Variants in MLANA observed in about 807,000 individuals in gnomAD.
The protein encoded by MLANA is melanoma antigen recognized by T-cells 1.
MLANA carries 21 observed loss-of-function variants against 15.7 expected under a neutral mutation model. The observed-to-expected ratio is 1.33, with a 90% CI of 0.95 to 1.92. MLANA has a LOEUF of 1.92. Among genes scored for constraint, MLANA ranks in the 40% most tolerant of loss-of-function variants. The pLI is 0.00. For synonymous variants in MLANA, 56 were observed against 51.5 expected (o/e 1.09, Z -0.37); for missense variants, 164 against 143.8 (o/e 1.14, Z -0.72).
intron 3 of MLANA, among the ~76,000 whole-genome samples, chr9:5,906,279 G>T (rs7038109): frequency 0.056 from 8,380 of 149,528 alleles, 256 homozygotes; most frequent in Middle Eastern, 0.075. Flanking sequence ...GCAGTGAGCC[G>T]AGATCGTGCC....
chr9:5,903,762 T>A (rs905150152), intron 3 of MLANA, among the ~76,000 whole-genome samples: 2 of 152,246 alleles, frequency 1.3e-5, no homozygotes, highest in South Asian at 2.1e-4. Context: ...TCCCTCTTTA[T>A]CCCTGATAAC....
Position 5,906,934 on chromosome 9 carries a change from C to T in MLANA, c.224C>T (p.Pro75Leu), listed in dbSNP as rs2129996530. 6.3e-7 allele frequency: 1 copy of T among 1,596,334 alleles called. No homozygotes were observed. Among genetic ancestry groups the T allele is most frequent in the African/African-American group, 1.4e-5 (1 of 73,598 alleles). The change falls in exon 4 of 5, where the codon CCA (proline) becomes CTA (leucine). Residue 75 changes from proline (P) to leucine (L), a missense_variant. Physicochemically the swap from Pro to Leu is moderately conservative, Grantham distance 98. Transcript: ENST00000381477. ...GTQCALTRRC[P>L]QEGFDHRDSK... ...CAATGTGCCTTAACAAGAAGATGCC[C>T]ACAAGAAGGGTTTGATCATCGGGAC...
At chr9:5,903,324 C>A (rs145774072) in intron 3 of MLANA, among the ~76,000 whole-genome samples, 2 of 152,200 alleles carry the variant, frequency 1.3e-5, no homozygotes, top group Non-Finnish European at 2.9e-5. Flanking sequence ...CTACAGATGT[C>A]TATTATATCT....
intron 2 of MLANA, among the ~76,000 whole-genome samples, chr9:5,895,466 T>G (rs1161854396): frequency 4.6e-5 from 7 of 152,002 alleles, no homozygotes; most frequent in Non-Finnish European, 8.8e-5. Flanking sequence ...ATCCCTAAGA[T>G]CTGAGAATAT....
chr9:5,892,680 G>A, intron 2 of MLANA, 129 bp downstream of exon 2: 2 of 681,042 alleles, frequency 2.9e-6, no homozygotes, highest in South Asian at 2.4e-5. Context: ...TAACATCCCT[G>A]GCAACAAGGG....
chr9:5,897,427 C>A, intron 2 of MLANA, 130 bp from the exon 3 acceptor site: 1 of 803,008 alleles, frequency 1.2e-6, no homozygotes, highest in Non-Finnish European at 2.1e-6. Context: ...AGGTGGGAAA[C>A]TACTTGGACA....
At chr9:5,895,257 G>C (rs780608948) in intron 2 of MLANA, among the ~76,000 whole-genome samples, 1 of 152,084 alleles carries the variant, frequency 6.6e-6, no homozygotes, top group South Asian at 2.1e-4. Context: ...GAAGGAGATC[G>C]GTCCAGAAAA....
chr9:5,897,662 A>C lies in MLANA; in HGVS notation c.174+9A>C. On this transcript the variant is annotated intron_variant, in intron 3 of 4. Transcript: ENST00000381477. ...GATACAGAGCCTTGATGGTTGGTAA[A>C]GTTCCCACTGCTGAAATCCCTCCAA... 1 of 1,608,658 alleles carries C rather than the reference A, an allele frequency of 6.2e-7. No individual in the cohort carries two copies. The highest frequency in any genetic ancestry group is 8.5e-7 in the Non-Finnish European group (1 of 1,175,056).
At chr9:5,895,598 C>T (rs1450088256) in intron 2 of MLANA, among the ~76,000 whole-genome samples, 2 of 152,182 alleles carry the variant, frequency 1.3e-5, no homozygotes, top group African/African-American at 4.8e-5. Flanking sequence ...TTTGAAACCT[C>T]AGTGGAGAGC....
At chr9:5,893,253 T>A (rs1460240477) in intron 2 of MLANA, among the ~76,000 whole-genome samples, 1 of 152,150 alleles carries the variant, frequency 6.6e-6, no homozygotes, top group Non-Finnish European at 1.5e-5. Flanking sequence ...ATACTCTGTA[T>A]GTGCTGGGAG....
chr9:5,908,571 A>C, intron 4 of MLANA, 69 bp from the exon 5 acceptor site: 1 of 1,310,458 alleles, frequency 7.6e-7, no homozygotes. Flanking sequence ...TAACTATTTT[A>C]ACTTAATCCC....
At position 5,894,791 on chromosome 9, in the gene MLANA, G is replaced by A. The variant is rs1831902545; in HGVS notation, c.77+2240G>A. On this transcript the variant is annotated intron_variant, in intron 2 of 4. Transcript: ENST00000381477. The surrounding 1 kb of genome is among the most constrained non-coding windows in gnomAD (Gnocchi z 4.0). ...AGGCACCCTCTAGAGTACTCTAATG[G>A]GAGCCAGTGGGCAAAGGAGAAGTGG... 6.6e-6 allele frequency among the ~76,000 whole-genome samples: 1 copy of A among 152,156 alleles called. No individual in the cohort carries two copies. The highest frequency in any genetic ancestry group is 2.4e-5 in the African/African-American group (1 of 41,426).
chr9:5,907,520 A>G (rs1369090737), intron 4 of MLANA, among the ~76,000 whole-genome samples: 1 of 152,246 alleles, frequency 6.6e-6, no homozygotes, highest in East Asian at 1.9e-4. Flanking sequence ...TAGTATGTAG[A>G]AAAGAAGATA....
chr9:5,895,331 A>G (rs572639176), intron 2 of MLANA, among the ~76,000 whole-genome samples: 2 of 151,692 alleles, frequency 1.3e-5, no homozygotes, highest in South Asian at 2.1e-4. Flanking sequence ...CCCTGCCCCC[A>G]TTGCTGTTTG....
Position 5,897,647 on chromosome 9 carries a change from C to G in MLANA, c.168C>G (p.Ala56=). The part of the protein sequence containing the change: ...WYCRRRNGYR[A]LMDKSLHVGT... ...GTAGAAGACGAAATGGATACAGAGC[C>G]TTGATGGTTGGTAAAGTTCCCACTG... The change falls in exon 3 of 5, where the codon GCC becomes GCG. Residue 56 remains alanine, a synonymous_variant. Coordinates refer to ENST00000381477, the MANE Select transcript of MLANA (RefSeq NM_005511.2). The G allele has an allele frequency of 2.5e-6, 4 of 1,613,714 alleles. No homozygotes were observed. The highest frequency in any genetic ancestry group is 3.4e-6 in the Non-Finnish European group (4 of 1,179,622).
chr9:5,909,735 A>G lies in MLANA; in HGVS notation c.*1027A>G, dbSNP rs1833048755. The G allele has an allele frequency of 6.6e-6, 1 of 152,166 alleles. No individual in the cohort carries two copies. The highest frequency in any genetic ancestry group is 6.5e-5 in the Admixed American group (1 of 15,280). The allele number at this position is 152,166 out of a possible 1,614,324, so 9.4% of individuals were successfully genotyped here. A position where few individuals can be genotyped will look rare whatever the true frequency, so the allele number is the denominator to read the frequency against. On this transcript the variant is annotated 3_prime_UTR_variant, in exon 5 of 5. Coordinates refer to ENST00000381477, the MANE Select transcript of MLANA (RefSeq NM_005511.2). ...TGCTGATGCCTGTGTACTGCCTTAA[A>G]TGTACCTATGGCAATTTAGCTCTCT... is the stretch of plus-strand genomic sequence containing the variant.
intron 2 of MLANA, among the ~76,000 whole-genome samples, chr9:5,897,193 T>G (rs188163126): frequency 1.1e-3 from 165 of 152,310 alleles, no homozygotes; most frequent in Non-Finnish European, 1.5e-3. Context: ...TGGGCTGAGT[T>G]GGAGAAAATG....
At chr9:5,893,840 G>A (rs989629616) in intron 2 of MLANA, among the ~76,000 whole-genome samples, 5 of 152,122 alleles carry the variant, frequency 3.3e-5, no homozygotes, top group African/African-American at 9.7e-5. Flanking sequence ...GAAAGCAGGA[G>A]GTGAAGGAGA....
intron 3 of MLANA, 117 bp downstream of exon 3, chr9:5,897,770 C>G (rs1441230578): frequency 1.1e-6 from 1 of 905,542 alleles, no homozygotes; most frequent in African/African-American, 1.6e-5. Flanking sequence ...AGCTCTGATT[C>G]CGGCTTCTGA....
Sources: gnomAD v4.1 joint callset for allele counts (sites outside exome capture counted in the v4.1 genomes callset) on GRCh38, gnomAD v4.1.1 for gene constraint, Gnocchi (gnomAD v3.1) non-coding constraint, MANE v1.5 for transcripts, NCBI Gene and HGNC (gene_info 2026-07-23, HGNC 2026-07-21) for gene names.